PTPRN2: variants seen among roughly 807,000 people sequenced by gnomAD.
PTPRN2 encodes receptor-type tyrosine-protein phosphatase N2.
A neutral mutation model predicts 118.8 loss-of-function variants in PTPRN2; 74 were observed. The observed-to-expected ratio is 0.62, with a 90% CI of 0.52 to 0.76. The LOEUF is 0.76. Among genes scored for constraint, PTPRN2 ranks in the 30% least tolerant of loss-of-function variants. PTPRN2 has a pLI of 0.00. For missense variants in PTPRN2, 1,481 were observed against 1,394.4 expected (o/e 1.06, Z -0.99); for synonymous variants, 641 against 608.0 (o/e 1.05, Z -0.80).
intron 2 of PTPRN2, among the ~76,000 whole-genome samples, chr7:158,375,318 T>C (rs1810412790): frequency 6.6e-6 from 1 of 152,184 alleles, no homozygotes; most frequent in Non-Finnish European, 1.5e-5. Flanking sequence ...GTTTACAGAG[T>C]ACCCAGGACA....
intron 6 of PTPRN2, among the ~76,000 whole-genome samples, chr7:158,144,810 C>A (rs1236338636): frequency 6.6e-6 from 1 of 152,206 alleles, no homozygotes; most frequent in East Asian, 1.9e-4. Flanking sequence ...CTGCTTAACA[C>A]AAAGACAGGT....
chr7:158,008,107 T>C (rs1805784281), intron 11 of PTPRN2, among the ~76,000 whole-genome samples: 1 of 139,074 alleles, frequency 7.2e-6, no homozygotes, highest in African/African-American at 2.8e-5. Flanking sequence ...TGTGTGGGGG[T>C]GTGCTGTGTG....
intron 11 of PTPRN2, among the ~76,000 whole-genome samples, chr7:158,025,034 G>T (rs746788520): frequency 2.0e-5 from 3 of 152,142 alleles, no homozygotes; most frequent in Non-Finnish European, 1.5e-5. Flanking sequence ...ATGGGTAAGC[G>T]GGCAGCTGGG....
chr7:157,835,767 T>G (rs772074514), intron 12 of PTPRN2, among the ~76,000 whole-genome samples: 3 of 152,192 alleles, frequency 2.0e-5, no homozygotes, highest in Non-Finnish European at 4.4e-5. Flanking sequence ...TCACACACAT[T>G]ACAACCACCA....
intron 12 of PTPRN2, among the ~76,000 whole-genome samples, chr7:157,769,846 C>A (rs972106484): frequency 6.6e-6 from 1 of 152,238 alleles, no homozygotes; most frequent in African/African-American, 2.4e-5. Flanking sequence ...CTGGGGGCTG[C>A]CATGGGCCCC....
intron 13 of PTPRN2, among the ~76,000 whole-genome samples, chr7:157,660,210 T>C (rs1230984830): frequency 6.6e-6 from 1 of 151,894 alleles, no homozygotes; most frequent in Non-Finnish European, 1.5e-5. Context: ...ACCCAGAGGG[T>C]CCGAGAATGT....
chr7:158,550,197 C>T (rs1826559031), intron 1 of PTPRN2, among the ~76,000 whole-genome samples: 1 of 152,192 alleles, frequency 6.6e-6, no homozygotes, highest in African/African-American at 2.4e-5. Context: ...CCAGCGGGTG[C>T]CACTGCCCGC....
intron 11 of PTPRN2, among the ~76,000 whole-genome samples, chr7:158,063,377 T>A (rs1810508145): frequency 6.6e-6 from 1 of 152,144 alleles, no homozygotes; most frequent in Admixed American, 6.5e-5. Context: ...AATGCACCAA[T>A]CAGCACCCTG....
intron 10 of PTPRN2, among the ~76,000 whole-genome samples, chr7:158,095,734 G>C (rs968367092): frequency 6.6e-6 from 1 of 152,206 alleles, no homozygotes; most frequent in African/African-American, 2.4e-5. Flanking sequence ...GAGCGTAGGA[G>C]TGTATACTTT....
chr7:157,654,001 C>G (rs1413838215), intron 14 of PTPRN2, among the ~76,000 whole-genome samples: 1 of 126,482 alleles, frequency 7.9e-6, no homozygotes, highest in African/African-American at 3.1e-5. Flanking sequence ...GCTCCCCACA[C>G]CCACCCCGAC....
At chr7:157,544,774 G>A (rs1407782487) in intron 22 of PTPRN2, among the ~76,000 whole-genome samples, 2 of 152,262 alleles carry the variant, frequency 1.3e-5, no homozygotes, top group Non-Finnish European at 2.9e-5. Flanking sequence ...AGAGAGGGGT[G>A]ATTTCAGCCT....
chr7:158,253,460 C>A (rs1191887905), intron 3 of PTPRN2, among the ~76,000 whole-genome samples: 1 of 152,222 alleles, frequency 6.6e-6, no homozygotes, highest in Non-Finnish European at 1.5e-5. Context: ...TTTCCAGTCA[C>A]CGGGTGATTG....
At chr7:158,026,986 C>T (rs1191432726) in intron 11 of PTPRN2, among the ~76,000 whole-genome samples, 2 of 152,256 alleles carry the variant, frequency 1.3e-5, no homozygotes, top group African/African-American at 2.4e-5. Flanking sequence ...CATCGTGACA[C>T]TCGACCCTTT....
At chr7:157,569,762 T>C (rs1799669510) in intron 20 of PTPRN2, among the ~76,000 whole-genome samples, 1 of 152,244 alleles carries the variant, frequency 6.6e-6, no homozygotes, top group South Asian at 2.1e-4. Flanking sequence ...TTGCATGAGT[T>C]TGAGAGACCT....
chr7:158,286,419 A>G (rs1799773799), intron 3 of PTPRN2, among the ~76,000 whole-genome samples: 1 of 152,198 alleles, frequency 6.6e-6, no homozygotes, highest in Non-Finnish European at 1.5e-5. Context: ...TAGCATCCTT[A>G]TCTGGTTCCT....
At position 158,122,480 on chromosome 7, in the gene PTPRN2, G is replaced by A. The variant is rs143840938; in HGVS notation, c.1556+11197C>T. Among the ~76,000 whole-genome samples the A allele has an allele frequency of 1.6e-3, 249 of 152,292 alleles. 2 individuals carry two copies. The highest frequency in any genetic ancestry group is 5.4e-3 in the African/African-American group (223 of 41,574). The stretch of plus-strand genomic sequence containing the variant: ...CCACATCACCCCGAAATGAGTGCAC[G>A]GGTGGACGCATGAGCAGAAAATGAC... On this transcript the variant is annotated intron_variant, in intron 9 of 22. Coordinates refer to ENST00000389418, the MANE Select transcript of PTPRN2 (RefSeq NM_002847.5).
Position 157,874,683 on chromosome 7 carries a change from T to C in PTPRN2, c.1788+23990A>G, listed in dbSNP as rs1795607052. Among the ~76,000 whole-genome samples the C allele has an allele frequency of 6.6e-6, 1 of 151,828 alleles. No homozygotes were observed. The highest frequency in any genetic ancestry group is 6.6e-5 in the Admixed American group (1 of 15,240). On this transcript the variant is annotated intron_variant, in intron 12 of 22. Transcript: ENST00000389418. The surrounding 1 kb of genome is among the most constrained non-coding windows in gnomAD (Gnocchi z 5.8). ...CACAAGGCAGGGGTTTGCTTGCAGG[T>C]AGCAAAGTAACCCAAGCAGACACAC...
rs533391819 is a variant in PTPRN2, at chr7:157,957,143, G to A, written c.1724-58406C>T. Among the ~76,000 whole-genome samples, 23 of 152,288 alleles carry A rather than the reference G, an allele frequency of 1.5e-4. No individual in the cohort carries two copies. In the South Asian group the frequency reaches 4.8e-3, roughly 32 times the overall value. On this transcript the variant is annotated intron_variant, in intron 11 of 22. Transcript: ENST00000389418. ...AAACAGCTCAAGCACTTGCACCTGAGAGCCCACTGTTACTCTAGAGCAGGG... is the reference window on the plus strand; with the variant it reads ...AAACAGCTCAAGCACTTGCACCTGAAAGCCCACTGTTACTCTAGAGCAGGG...
chr7:158,582,555 CA>C (rs143419355), intron 1 of PTPRN2, among the ~76,000 whole-genome samples: 1,652 of 140,462 alleles, frequency 0.012, 21 homozygotes, highest in African/African-American at 0.034. Flanking sequence ...CGTCCTCTCT[CA>C]AAAAAAAAAA....
Sources: allele counts gnomAD v4.1 joint callset (sites outside exome capture counted in the v4.1 genomes callset), GRCh38; gene constraint gnomAD v4.1.1; non-coding constraint Gnocchi (gnomAD v3.1); transcripts MANE v1.5; gene names NCBI Gene and HGNC (gene_info 2026-07-23, HGNC 2026-07-21).